The following VWA3B variants were observed in gnomAD, a reference collection of about 807,000 sequenced individuals.
The protein encoded by VWA3B is von Willebrand factor A domain-containing protein 3B.
In VWA3B, 138 loss-of-function variants were observed where a neutral mutation model predicts 158.3. That is an observed-to-expected ratio of 0.87 (90% CI 0.76 to 1.00). The LOEUF (loss-of-function observed/expected upper bound fraction) is 1.00. Ranked by LOEUF, VWA3B falls within the 50% of genes least tolerant of loss-of-function variation. The pLI, the probability that VWA3B is intolerant of heterozygous loss-of-function variation, is 0.00. For synonymous variants in VWA3B, 596 were observed against 587.3 expected (o/e 1.01, Z -0.21); for missense variants, 1,555 against 1,565.1 (o/e 0.99, Z 0.11).
At chr2:98,219,446 CAAAG>C (rs1436398152) in intron 14 of VWA3B, among the ~76,000 whole-genome samples, 1 of 151,824 alleles carries the variant, frequency 6.6e-6, no homozygotes, top group East Asian at 1.9e-4. Context: ...AAAACAAAAA[CAAAG>C]AAACAAACCA....
At chr2:98,252,948 T>A (rs1686893649) in intron 20 of VWA3B, among the ~76,000 whole-genome samples, 1 of 152,206 alleles carries the variant, frequency 6.6e-6, no homozygotes, top group Non-Finnish European at 1.5e-5. Flanking sequence ...TAATAACAAT[T>A]TTAACATGAT....
chr2:98,246,509 C>G (rs1183387589), intron 19 of VWA3B, among the ~76,000 whole-genome samples: 1 of 152,110 alleles, frequency 6.6e-6, no homozygotes, highest in Non-Finnish European at 1.5e-5. Flanking sequence ...TCCCAGGCAG[C>G]TGGGATTACA....
At chr2:98,201,043 T>A (rs1032291487) in intron 12 of VWA3B, among the ~76,000 whole-genome samples, 2 of 152,240 alleles carry the variant, frequency 1.3e-5, no homozygotes, top group Non-Finnish European at 2.9e-5. Flanking sequence ...ACACTGAGTC[T>A]TGAAATCAGC....
chr2:98,116,698 G>T (rs752164071), intron 3 of VWA3B, among the ~76,000 whole-genome samples: 3 of 152,110 alleles, frequency 2.0e-5, no homozygotes, highest in Non-Finnish European at 2.9e-5. Flanking sequence ...TGCAGACGGG[G>T]TCTCGCCATG....
At chr2:98,235,311 A>G (rs1685605471) in intron 17 of VWA3B, among the ~76,000 whole-genome samples, 2 of 152,120 alleles carry the variant, frequency 1.3e-5, no homozygotes, top group Admixed American at 1.3e-4. Flanking sequence ...TATACACACA[A>G]TCCCCTAGGG....
intron 22 of VWA3B, among the ~76,000 whole-genome samples, chr2:98,271,811 A>G (rs1688216150): frequency 6.6e-6 from 1 of 152,238 alleles, no homozygotes; most frequent in Non-Finnish European, 1.5e-5. Context: ...ACACATGGCC[A>G]GTGTGAAACC....
At chr2:98,271,115 A>G (rs959401374) in intron 22 of VWA3B, among the ~76,000 whole-genome samples, 2 of 151,720 alleles carry the variant, frequency 1.3e-5, no homozygotes, top group Non-Finnish European at 2.9e-5. Context: ...GAAAAAAAAA[A>G]GCTAAATAGA....
chr2:98,285,331 C>T (rs1299773859), intron 22 of VWA3B, among the ~76,000 whole-genome samples: 1 of 152,010 alleles, frequency 6.6e-6, no homozygotes, highest in Non-Finnish European at 1.5e-5. Flanking sequence ...TTTATTCATT[C>T]CCCAGTTAAT....
At chr2:98,207,485 C>T in intron 12 of VWA3B, 3 of 505,074 alleles carry the variant, frequency 5.9e-6, no homozygotes, top group South Asian at 4.4e-5. Flanking sequence ...GATTAACTTT[C>T]TGAGGAAGAC....
intron 22 of VWA3B, among the ~76,000 whole-genome samples, chr2:98,282,098 G>A (rs1022987678): frequency 1.3e-5 from 2 of 152,176 alleles, no homozygotes; most frequent in African/African-American, 2.4e-5. Flanking sequence ...CGAAGTCTTT[G>A]GCAAAATTCA....
At chr2:98,256,199 C>CG in intron 21 of VWA3B, 25 bp downstream of exon 21, 1 of 1,412,692 alleles carries the variant, frequency 7.1e-7, no homozygotes, top group Middle Eastern at 2.2e-4. Flanking sequence ...TCCCTCCTCA[C>CG]TTTTTTTTTT....
At chr2:98,241,602 C>T (rs1225977264) in intron 19 of VWA3B, among the ~76,000 whole-genome samples, 1 of 151,812 alleles carries the variant, frequency 6.6e-6, no homozygotes, top group Non-Finnish European at 1.5e-5. Context: ...AGACTCCAGC[C>T]TGGAATATCA....
At chr2:98,114,111 A>G (rs547289981) in intron 2 of VWA3B, among the ~76,000 whole-genome samples, 14 of 152,302 alleles carry the variant, frequency 9.2e-5, no homozygotes, top group African/African-American at 2.9e-4. Context: ...TCCAGAATTT[A>G]TCATATTTTT....
intron 12 of VWA3B, chr2:98,206,617 C>A: frequency 2.4e-6 from 1 of 414,614 alleles, no homozygotes. Context: ...AAAGCGGTCC[C>A]ATCAAAATGA....
At chr2:98,216,192 A>C (rs1367238560) in intron 13 of VWA3B, among the ~76,000 whole-genome samples, 5 of 152,250 alleles carry the variant, frequency 3.3e-5, no homozygotes, top group Non-Finnish European at 7.3e-5. Context: ...AAAATTAAGC[A>C]GGTCAAAAAA....
At chr2:98,319,229 A>C in the VWA3B span, among the ~76,000 whole-genome samples, 1 of 152,328 alleles carries the variant, frequency 6.6e-6, no homozygotes, top group Admixed American at 6.5e-5. Context: ...GAAAAAAAAA[A>C]AGCAGACAGG....
intron 22 of VWA3B, among the ~76,000 whole-genome samples, chr2:98,271,094 G>A (rs570849541): frequency 6.8e-5 from 10 of 147,832 alleles, no homozygotes; most frequent in African/African-American, 2.3e-4. Flanking sequence ...AAAACAATAC[G>A]TCTTTTAATT....
intron 8 of VWA3B, among the ~76,000 whole-genome samples, chr2:98,178,200 G>C (rs1373027984): frequency 3.9e-5 from 6 of 152,152 alleles, no homozygotes; most frequent in Admixed American, 6.5e-5. Context: ...CCTCTGGCTT[G>C]AGCTCCCGGA....
At chr2:98,111,744 TA>T (rs200748752) in intron 2 of VWA3B, among the ~76,000 whole-genome samples, 1 of 152,144 alleles carries the variant, frequency 6.6e-6, no homozygotes, top group Non-Finnish European at 1.5e-5. Context: ...TAAATGGGGT[TA>T]TTTTTTGCTT....
Sources: gnomAD v4.1 joint callset for allele counts (sites outside exome capture counted in the v4.1 genomes callset) on GRCh38, gnomAD v4.1.1 for gene constraint, MANE v1.5 for transcripts, NCBI Gene and HGNC (gene_info 2026-07-23, HGNC 2026-07-21) for gene names.